Variants in STK39 observed in about 807,000 individuals in gnomAD.
STK39 encodes serine/threonine kinase 39.
A neutral mutation model predicts 77.8 loss-of-function variants in STK39; 20 were observed. That is an observed-to-expected ratio of 0.26 (90% CI 0.18 to 0.37). The LOEUF (loss-of-function observed/expected upper bound fraction) is 0.37, where lower values mean the gene tolerates loss of function less well. Ranked by LOEUF, STK39 falls within the 10% of genes least tolerant of loss-of-function variation. STK39 has a pLI of 1.00. For missense variants in STK39, 479 were observed against 656.5 expected (o/e 0.73, Z 2.95); for synonymous variants, 246 against 234.1 (o/e 1.05, Z -0.47).
At chr2:168,093,404 G>A (rs1190157150) in intron 10 of STK39, among the ~76,000 whole-genome samples, 2 of 152,162 alleles carry the variant, frequency 1.3e-5, no homozygotes, top group Non-Finnish European at 2.9e-5. Context: ...ATGGCAGCAG[G>A]CACATGAGCA....
At chr2:167,990,991 T>C (rs1350153988) in intron 16 of STK39, among the ~76,000 whole-genome samples, 3 of 152,178 alleles carry the variant, frequency 2.0e-5, no homozygotes, top group South Asian at 2.1e-4. Context: ...TGGACTTCAA[T>C]GGGATGTCAC....
At chr2:168,089,591 A>C (rs1417558961) in intron 10 of STK39, among the ~76,000 whole-genome samples, 3 of 152,352 alleles carry the variant, frequency 2.0e-5, no homozygotes, top group East Asian at 3.9e-4. Context: ...AATACATGTT[A>C]ACAACTTAGG....
chr2:168,139,408 T>TTATACATATATATATATATA (rs1553532930), intron 7 of STK39, among the ~76,000 whole-genome samples: 38 of 144,524 alleles, frequency 2.6e-4, no homozygotes, highest in African/African-American at 9.2e-4. Context: ...TAAAAAAAAT[T>TTATACATATATATATATATA]TATATATATA....
chr2:168,060,019 T>C (rs1395424285), intron 14 of STK39, among the ~76,000 whole-genome samples: 1 of 152,188 alleles, frequency 6.6e-6, no homozygotes, highest in Admixed American at 6.5e-5. Flanking sequence ...AATGAATGAA[T>C]GTATTTACCA....
Position 167,956,526 on chromosome 2 carries a change from T to C in STK39, c.1564-956A>G, listed in dbSNP as rs2105511136. Among the ~76,000 whole-genome samples the C allele has an allele frequency of 2.0e-5, 3 of 148,420 alleles. 1 individual carries two copies. Among genetic ancestry groups the C allele is most frequent in the African/African-American group, 7.6e-5 (3 of 39,614 alleles). ...TTGCAGTGAGCCGAGATCGTGCCAC[T>C]GCACTCCAGCCTGGCGACAGAGCGA... On this transcript the variant is annotated intron_variant, in intron 17 of 17. Transcript: ENST00000355999.
At chr2:167,972,891 A>G (rs796665090) in intron 16 of STK39, among the ~76,000 whole-genome samples, 11 of 152,258 alleles carry the variant, frequency 7.2e-5, no homozygotes, top group African/African-American at 2.6e-4. Flanking sequence ...TCCAAGATCT[A>G]GTATAAAAAC....
intron 10 of STK39, among the ~76,000 whole-genome samples, chr2:168,125,139 T>C (rs1430403609): frequency 1.3e-5 from 2 of 151,776 alleles, no homozygotes; most frequent in Non-Finnish European, 2.9e-5. Context: ...ACAAAAGAGT[T>C]GATGTGAAAC....
At chr2:168,178,269 G>C (rs1357084627) in intron 2 of STK39, among the ~76,000 whole-genome samples, 1 of 152,104 alleles carries the variant, frequency 6.6e-6, no homozygotes, top group African/African-American at 2.4e-5. Context: ...GAACAAACCA[G>C]AACATATCCT....
intron 1 of STK39, among the ~76,000 whole-genome samples, chr2:168,227,282 A>T (rs936596946): frequency 2.6e-5 from 4 of 152,242 alleles, no homozygotes; most frequent in Non-Finnish European, 4.4e-5. Flanking sequence ...AGTTATTTTC[A>T]TCTACTTGAT....
chr2:168,022,733 T>C (rs1157676028), intron 14 of STK39, among the ~76,000 whole-genome samples: 1 of 152,190 alleles, frequency 6.6e-6, no homozygotes, highest in Non-Finnish European at 1.5e-5. Flanking sequence ...GATGAAGTTT[T>C]CTGAAATGGT....
intron 10 of STK39, among the ~76,000 whole-genome samples, chr2:168,116,616 G>A (rs1235282225): frequency 6.6e-6 from 1 of 152,162 alleles, no homozygotes; most frequent in Admixed American, 6.5e-5. Context: ...CAACAATGAT[G>A]TCTCAAACAT....
At chr2:168,242,130 G>A in intron 1 of STK39, among the ~76,000 whole-genome samples, 1 of 152,136 alleles carries the variant, frequency 6.6e-6, no homozygotes. Context: ...GAGATCTTGA[G>A]ATCTCTCCCC....
At chr2:168,234,163 T>C (rs918329736) in intron 1 of STK39, among the ~76,000 whole-genome samples, 2 of 152,194 alleles carry the variant, frequency 1.3e-5, no homozygotes, top group African/African-American at 4.8e-5. Context: ...TCACACTACT[T>C]ACAGCCATCA....
rs35442749 is a variant in STK39, at chr2:168,102,929, C to CAAAAA, written c.1089+26607_1089+26611dup. Among the ~76,000 whole-genome samples, 2 of 50,080 alleles carry CAAAAA rather than the reference C, an allele frequency of 4.0e-5. 1 individual carries two copies. Among genetic ancestry groups the CAAAAA allele is most frequent in the African/African-American group, 1.4e-4 (2 of 14,068 alleles). The allele number at this position is 50,080 out of a possible 152,430, so 32.9% of individuals were successfully genotyped here. ...TGGGCGACAGAGCGAGAATCCGTCT[C>CAAAAA]AAAAAAAAAAAAAAAAAAAAAAAAA... On this transcript the variant is annotated intron_variant, in intron 10 of 17. Coordinates refer to ENST00000355999, the MANE Select transcript of STK39 (RefSeq NM_013233.3).
chr2:168,018,746 C>T (rs1684496849), intron 14 of STK39, among the ~76,000 whole-genome samples: 1 of 151,998 alleles, frequency 6.6e-6, no homozygotes, highest in South Asian at 2.1e-4. Context: ...CTGTGTAAAA[C>T]CTCCTGGTCT....
At chr2:167,957,553 T>C (rs1691822599) in intron 17 of STK39, among the ~76,000 whole-genome samples, 2 of 152,182 alleles carry the variant, frequency 1.3e-5, no homozygotes. Flanking sequence ...CTTGTTAACA[T>C]CATTTACTCA....
At chr2:168,021,165 A>G (rs77371338) in intron 14 of STK39, among the ~76,000 whole-genome samples, 5,919 of 152,218 alleles carry the variant, frequency 0.039, 248 homozygotes, top group East Asian at 0.2. Flanking sequence ...TATTCTAGTA[A>G]GGTCATGAGA....
chr2:168,213,550 G>A (rs573783701), intron 1 of STK39, among the ~76,000 whole-genome samples: 4 of 152,078 alleles, frequency 2.6e-5, no homozygotes, highest in Admixed American at 6.5e-5. Flanking sequence ...GGCGGGCATC[G>A]TGATGTGTGC....
chr2:168,182,541 C>A (rs1224295562), intron 1 of STK39, among the ~76,000 whole-genome samples: 2 of 152,170 alleles, frequency 1.3e-5, no homozygotes, highest in East Asian at 3.9e-4. Flanking sequence ...GCTTGCTCCA[C>A]AATGAGAAAA....
Sources: gnomAD v4.1 joint callset for allele counts (sites outside exome capture counted in the v4.1 genomes callset) on GRCh38, gnomAD v4.1.1 for gene constraint, MANE v1.5 for transcripts, NCBI Gene and HGNC (gene_info 2026-07-23, HGNC 2026-07-21) for gene names.